Variants in AGAP1 observed in about 807,000 individuals in gnomAD.
AGAP1 encodes the protein arf-GAP with GTPase, ANK repeat and PH domain-containing protein 1.
AGAP1 carries 29 observed loss-of-function variants against 105.3 expected under a neutral mutation model. That is an observed-to-expected ratio of 0.28 (90% CI 0.21 to 0.38). The LOEUF is 0.38. Among genes scored for constraint, AGAP1 ranks in the 10% least tolerant of loss-of-function variants. The pLI, the probability that AGAP1 is intolerant of heterozygous loss-of-function variation, is 1.00. For synonymous variants in AGAP1, 509 were observed against 485.9 expected (o/e 1.05, Z -0.63); for missense variants, 998 against 1,165.1 (o/e 0.86, Z 2.09).
At position 235,866,800 on chromosome 2, in the gene AGAP1, C is replaced by T. The variant is rs2049191387; in HGVS notation, c.1051-16545C>T. Among the ~76,000 whole-genome samples, 1 of 152,186 alleles carries T rather than the reference C, an allele frequency of 6.6e-6. No individual in the cohort carries two copies. Among genetic ancestry groups the T allele is most frequent in the South Asian group, 2.1e-4 (1 of 4,830 alleles). ...CAGCCATCTTCTCCCTGTGTCTTCA[C>T]GTGGTCTTTCTCCGTGAGTGTCTGT... On this transcript the variant is annotated intron_variant, in intron 9 of 17. Transcript: ENST00000304032. The surrounding 1 kb of genome is among the most constrained non-coding windows in gnomAD (Gnocchi z 6.1).
intron 1 of AGAP1, among the ~76,000 whole-genome samples, chr2:235,704,969 C>CTTTTTTTTTTT (rs969370505): frequency 6.7e-5 from 4 of 59,696 alleles, no homozygotes; most frequent in East Asian, 4.7e-4. Context: ...ATGCTTTTTT[C>CTTTTTTTTTTT]TTTTTTTTTT....
In AGAP1 at chr2:236,126,124, A is replaced by G. The variant is rs1208364125; in HGVS notation, c.*2002A>G. The G allele has an allele frequency of 1.3e-5, 2 of 152,226 alleles. No homozygotes were observed. The highest frequency in any genetic ancestry group is 4.8e-5 in the African/African-American group (2 of 41,464). 9.4% of individuals were successfully genotyped at this position (152,226 alleles called of 1,614,324 possible). A position where few individuals can be genotyped will look rare whatever the true frequency, so the allele number is the denominator to read the frequency against. ...GTGTTTCATGGAAATTTCTAATCTT[A>G]ACGAAGCTAAGTGGAGCTCACTCGT... On this transcript the variant is annotated 3_prime_UTR_variant, in exon 18 of 18. Coordinates refer to ENST00000304032, the MANE Select transcript of AGAP1 (RefSeq NM_001037131.3).
intron 13 of AGAP1, among the ~76,000 whole-genome samples, chr2:236,004,922 G>C (rs1038031041): frequency 6.6e-6 from 1 of 152,182 alleles, no homozygotes; most frequent in Non-Finnish European, 1.5e-5. Flanking sequence ...ACTTGGCAGT[G>C]TTACTCTTGG....
chr2:235,941,421 T>A (rs2053252754), intron 12 of AGAP1, among the ~76,000 whole-genome samples: 1 of 152,176 alleles, frequency 6.6e-6, no homozygotes, highest in Non-Finnish European at 1.5e-5. Context: ...GGAGCAGGAA[T>A]CCAAACGGAG....
Position 235,964,938 on chromosome 2 carries a change from C to A in AGAP1, c.1484-3524C>A, listed in dbSNP as rs531582361. ...CGGCTTTGTGAAAACAGGCTGAGCT[C>A]GAGGTCCCAGGCTGCTCAAGGCAAG... is the stretch of plus-strand genomic sequence containing the variant. On this transcript the variant is annotated intron_variant, in intron 12 of 17. Transcript: ENST00000304032. The surrounding 1 kb of genome is among the most constrained non-coding windows in gnomAD (Gnocchi z 4.6). 2.8e-4 allele frequency among the ~76,000 whole-genome samples: 43 copies of A among 152,230 alleles called. No individual in the cohort carries two copies. Among genetic ancestry groups the A allele is most frequent in the Non-Finnish European group, 5.0e-4 (34 of 68,010 alleles).
intron 1 of AGAP1, among the ~76,000 whole-genome samples, chr2:235,598,303 C>G (rs1439247249): frequency 6.6e-6 from 1 of 152,150 alleles, no homozygotes; most frequent in African/African-American, 2.4e-5. Context: ...CCACCCTGAA[C>G]TGGAATAATT....
rs1952441691 is a variant in AGAP1, at chr2:235,739,350, T to C, written c.311-1613T>C. ...AGCTCTGCTAGAAAAGCATTTCTTT[T>C]TTGCCTACGAGGACTCTCGATTCAG... is the stretch of plus-strand genomic sequence containing the variant. On this transcript the variant is annotated intron_variant, in intron 3 of 17. Coordinates refer to ENST00000304032, the MANE Select transcript of AGAP1 (RefSeq NM_001037131.3). This position sits in a 1 kb window ranked among gnomAD's most constrained non-coding sequence, Gnocchi z 5.3. Among the ~76,000 whole-genome samples, 1 of 152,202 alleles carries C rather than the reference T, an allele frequency of 6.6e-6. No individual in the cohort carries two copies. The highest frequency in any genetic ancestry group is 2.1e-4 in the South Asian group (1 of 4,826).
Position 236,090,918 on chromosome 2 carries a change from T to C in AGAP1, c.2115-29274T>C, listed in dbSNP as rs1346889113. Among the ~76,000 whole-genome samples, 1 of 152,162 alleles carries C rather than the reference T, an allele frequency of 6.6e-6. No individual in the cohort carries two copies. Among genetic ancestry groups the C allele is most frequent in the Non-Finnish European group, 1.5e-5 (1 of 68,030 alleles). On this transcript the variant is annotated intron_variant, in intron 16 of 17. Coordinates refer to ENST00000304032, the MANE Select transcript of AGAP1 (RefSeq NM_001037131.3). This position sits in a 1 kb window ranked among gnomAD's most constrained non-coding sequence, Gnocchi z 4.3. ...CCATACCCGGCTAATTTTGCATTTT[T>C]AGTAGGGATGAGGTTTCACCATGTT...
At chr2:236,069,519 G>T (rs2058442120) in intron 16 of AGAP1, among the ~76,000 whole-genome samples, 1 of 152,152 alleles carries the variant, frequency 6.6e-6, no homozygotes, top group Non-Finnish European at 1.5e-5. Context: ...TGCCTCCCAG[G>T]TTCAAGTGAT....
Position 235,955,476 on chromosome 2 carries a change from C to T in AGAP1, c.1484-12986C>T, listed in dbSNP as rs148482617. Among the ~76,000 whole-genome samples, 22 of 152,162 alleles carry T rather than the reference C, an allele frequency of 1.4e-4. No individual in the cohort carries two copies. In the East Asian group the frequency reaches 4.1e-3, roughly 28 times the overall value. ...ATGAGCCTGTGTCTCAAAAGCTGCC[C>T]CAAAGTCATAATCCTAATTACTGAA... is the stretch of plus-strand genomic sequence containing the variant. On this transcript the variant is annotated intron_variant, in intron 12 of 17. Coordinates refer to ENST00000304032, the MANE Select transcript of AGAP1 (RefSeq NM_001037131.3).
At position 235,855,855 on chromosome 2, in the gene AGAP1, T is replaced by A. The variant is rs1379345127; in HGVS notation, c.1051-27490T>A. Among the ~76,000 whole-genome samples the A allele has an allele frequency of 1.3e-5, 2 of 152,190 alleles. No individual in the cohort carries two copies. The highest frequency in any genetic ancestry group is 2.9e-5 in the Non-Finnish European group (2 of 68,032). Reference sequence around the variant, plus strand: ...AGGTCTCTAGATGCACGGAGGCTACTGCATTCCCAGGGGGTCAGCCTTGTC... The same window carrying A: ...AGGTCTCTAGATGCACGGAGGCTACAGCATTCCCAGGGGGTCAGCCTTGTC... On this transcript the variant is annotated intron_variant, in intron 9 of 17. Transcript: ENST00000304032. This position sits in a 1 kb window ranked among gnomAD's most constrained non-coding sequence, Gnocchi z 5.0.
chr2:235,722,862 T>G (rs1357332116), intron 3 of AGAP1, among the ~76,000 whole-genome samples: 1 of 150,082 alleles, frequency 6.7e-6, no homozygotes, highest in African/African-American at 2.5e-5. Context: ...ACACATAAAA[T>G]ACACTAACAC....
chr2:235,769,652 A>G lies in AGAP1; in HGVS notation c.673+19164A>G, dbSNP rs1356557525. ...AGAGGAAATCCTTCCAACACAATAT[A>G]CAATTAATTGCTGTAAAATATCGTG... On this transcript the variant is annotated intron_variant, in intron 6 of 17. Coordinates refer to ENST00000304032, the MANE Select transcript of AGAP1 (RefSeq NM_001037131.3). This position sits in a 1 kb window ranked among gnomAD's most constrained non-coding sequence, Gnocchi z 4.4. Among the ~76,000 whole-genome samples the G allele has an allele frequency of 2.0e-5, 3 of 152,124 alleles. No homozygotes were observed. Among genetic ancestry groups the G allele is most frequent in the Non-Finnish European group, 4.4e-5 (3 of 68,028 alleles).
At chr2:235,857,820 TAA>T (rs1372437991) in intron 9 of AGAP1, among the ~76,000 whole-genome samples, 1 of 152,250 alleles carries the variant, frequency 6.6e-6, no homozygotes, top group Non-Finnish European at 1.5e-5. Context: ...TGACTGGGTA[TAA>T]AGAGTTTTCC....
intron 1 of AGAP1, among the ~76,000 whole-genome samples, chr2:235,685,225 G>A (rs1313567705): frequency 1.1e-4 from 16 of 151,964 alleles, no homozygotes; most frequent in South Asian, 4.2e-4. Flanking sequence ...GCCACAAGCC[G>A]CCTCCCTGAC....
In AGAP1 at chr2:235,609,125, T is replaced by G. The variant is rs1350499871; in HGVS notation, c.164-100054T>G. ...CAGGGGGCTGATGAATTTGTTTCCT[T>G]CTTGCCTTATTTTTGGCAGTTTTCT... is the stretch of plus-strand genomic sequence containing the variant. On this transcript the variant is annotated intron_variant, in intron 1 of 17. Coordinates refer to ENST00000304032, the MANE Select transcript of AGAP1 (RefSeq NM_001037131.3). This position sits in a 1 kb window ranked among gnomAD's most constrained non-coding sequence, Gnocchi z 5.1. 1.3e-5 allele frequency among the ~76,000 whole-genome samples: 2 copies of G among 152,180 alleles called. No individual in the cohort carries two copies. Among genetic ancestry groups the G allele is most frequent in the African/African-American group, 4.8e-5 (2 of 41,442 alleles).
At chr2:235,646,578 A>T (rs1184437111) in intron 1 of AGAP1, among the ~76,000 whole-genome samples, 1 of 152,168 alleles carries the variant, frequency 6.6e-6, no homozygotes, top group African/African-American at 2.4e-5. Context: ...GAATTTTAAC[A>T]TGACATGCTT....
intron 1 of AGAP1, among the ~76,000 whole-genome samples, chr2:235,523,820 C>T (rs1455610758): frequency 6.6e-6 from 1 of 150,440 alleles, no homozygotes; most frequent in Non-Finnish European, 1.5e-5. Flanking sequence ...GTGGGAGTGA[C>T]CCTGCTTGGA....
At chr2:235,841,279 T>TA (rs1370179057) in intron 9 of AGAP1, among the ~76,000 whole-genome samples, 3 of 152,098 alleles carry the variant, frequency 2.0e-5, no homozygotes, top group Non-Finnish European at 2.9e-5. Context: ...CAGAAAGAAG[T>TA]TACCAACAGT....
Sources: gnomAD v4.1 joint callset for allele counts (sites outside exome capture counted in the v4.1 genomes callset) on GRCh38, gnomAD v4.1.1 for gene constraint, Gnocchi (gnomAD v3.1) non-coding constraint, MANE v1.5 for transcripts, NCBI Gene and HGNC (gene_info 2026-07-23, HGNC 2026-07-21) for gene names.